The following OSBP2 variants were observed in gnomAD, a reference collection of about 807,000 sequenced individuals.
OSBP2 encodes oxysterol binding protein 2, also known as oxysterol-binding protein 2.
Under a neutral mutation model 96.0 loss-of-function variants are expected in OSBP2, and 66 were observed. That is an observed-to-expected ratio of 0.69 (90% CI 0.56 to 0.84). The LOEUF is 0.84. OSBP2 is among the 40% of genes least tolerant of loss of function. The probability of loss-of-function intolerance (pLI) is 0.00; values close to 1 mark genes in which losing one functional copy is unlikely to be tolerated. For synonymous variants in OSBP2, 525 were observed against 520.9 expected, an observed-to-expected ratio of 1.01 and a Z score of -0.11; for missense variants, 1,038 against 1,222.7, an observed-to-expected ratio of 0.85 and a Z score of 2.25.
rs148420997 is a variant in OSBP2, at chr22:30,753,946, T to G, written c.853+12577T>G. On this transcript the variant is annotated intron_variant, in intron 2 of 13. Transcript: ENST00000332585. ...TTTTGCCTGGTGGCAGCTCTCACATTCCCTTCCACCTGTGTATTTGGGGCT... is the reference window on the plus strand; with the variant it reads ...TTTTGCCTGGTGGCAGCTCTCACATGCCCTTCCACCTGTGTATTTGGGGCT... Among the ~76,000 whole-genome samples the G allele has an allele frequency of 2.6e-3, 393 of 152,282 alleles. 2 individuals are homozygous for G. Among genetic ancestry groups the G allele is most frequent in the African/African-American group, 9.2e-3 (381 of 41,554 alleles).
chr22:30,850,019 C>G (rs2038947536), intron 2 of OSBP2, among the ~76,000 whole-genome samples: 1 of 151,978 alleles, frequency 6.6e-6, no homozygotes, highest in African/African-American at 2.4e-5. Context: ...TTCAGTTGAT[C>G]AGGCTGGGCG....
intron 3 of OSBP2, among the ~76,000 whole-genome samples, chr22:30,875,487 C>T (rs1039625574): frequency 6.6e-6 from 1 of 152,092 alleles, no homozygotes; most frequent in Non-Finnish European, 1.5e-5. Flanking sequence ...ATTCTCTTGC[C>T]TCAGCCTCCT....
intron 2 of OSBP2, chr22:30,822,483 G>A (rs2146981229): frequency 8.8e-7 from 1 of 1,140,098 alleles, no homozygotes; most frequent in South Asian, 2.1e-5. Flanking sequence ...GGGCGGCAGT[G>A]GTGCATTGTG....
chr22:30,830,785 GT>G lies in OSBP2; in HGVS notation c.854-39641del, dbSNP rs1251876731. Among the ~76,000 whole-genome samples, 15 of 151,896 alleles carry G rather than the reference GT, an allele frequency of 9.9e-5. No homozygotes were observed. The East Asian group carries it at 2.3e-3, about 24-fold the overall frequency. ...AATTCCAGATGTTCAAGAGCATGGC[GT>G]TTCCATAGCGCCATTATCCCTTTGC... is the stretch of plus-strand genomic sequence containing the variant. On this transcript the variant is annotated intron_variant, in intron 2 of 13. Coordinates refer to ENST00000332585, the MANE Select transcript of OSBP2 (RefSeq NM_030758.4).
Position 30,871,049 on chromosome 22 carries a change from G to A in OSBP2, c.1107+367G>A, listed in dbSNP as rs1409821531. 1.3e-5 allele frequency among the ~76,000 whole-genome samples: 2 copies of A among 152,100 alleles called. No homozygotes were observed. Among genetic ancestry groups the A allele is most frequent in the Non-Finnish European group, 2.9e-5 (2 of 68,008 alleles). ...GGACACAGCTGCCACACTGGCCCTC[G>A]GTGGCTGCTACTCCTCCTCCCTGGG... On this transcript the variant is annotated intron_variant, in intron 3 of 13. Coordinates refer to ENST00000332585, the MANE Select transcript of OSBP2 (RefSeq NM_030758.4). This position sits in a 1 kb window ranked among gnomAD's most constrained non-coding sequence, Gnocchi z 4.7.
At chr22:30,852,374 ATTGG>A (rs1203984230) in intron 2 of OSBP2, among the ~76,000 whole-genome samples, 5 of 152,108 alleles carry the variant, frequency 3.3e-5, no homozygotes, top group Admixed American at 3.3e-4. Flanking sequence ...ATTTTTGGTA[ATTGG>A]TTCTTTCAAG....
intron 2 of OSBP2, among the ~76,000 whole-genome samples, chr22:30,791,922 T>C (rs538540811): frequency 6.6e-6 from 1 of 152,314 alleles, no homozygotes; most frequent in African/African-American, 2.4e-5. Context: ...AATGGGTATA[T>C]AGATAAGTAT....
intron 2 of OSBP2, among the ~76,000 whole-genome samples, chr22:30,772,085 C>G (rs1355864302): frequency 6.6e-6 from 1 of 152,238 alleles, no homozygotes; most frequent in Non-Finnish European, 1.5e-5. Flanking sequence ...AGGCCAGAGA[C>G]AAGCCCCTGC....
chr22:30,904,113 G>A (rs1052976422), intron 12 of OSBP2, among the ~76,000 whole-genome samples: 3 of 152,206 alleles, frequency 2.0e-5, no homozygotes, highest in African/African-American at 7.2e-5. Flanking sequence ...CCTTTGGGGA[G>A]CAGTTGGGGG....
chr22:30,738,585 A>G (rs2089889448), intron 1 of OSBP2, among the ~76,000 whole-genome samples: 1 of 149,618 alleles, frequency 6.7e-6, no homozygotes, highest in African/African-American at 2.5e-5. Flanking sequence ...TTTGAGACGG[A>G]GTTTCGCTCT....
chr22:30,904,085 A>C (rs2040276452), intron 12 of OSBP2, among the ~76,000 whole-genome samples: 1 of 152,172 alleles, frequency 6.6e-6, no homozygotes, highest in Non-Finnish European at 1.5e-5. Flanking sequence ...ATCCTTCAGT[A>C]CCCAAATCCC....
At chr22:30,782,035 A>G (rs1285866608) in intron 2 of OSBP2, among the ~76,000 whole-genome samples, 1 of 152,094 alleles carries the variant, frequency 6.6e-6, no homozygotes, top group Non-Finnish European at 1.5e-5. Flanking sequence ...ATTCCCAGCT[A>G]TTTGAGAGGC....
intron 2 of OSBP2, among the ~76,000 whole-genome samples, chr22:30,783,394 C>A (rs1171721016): frequency 7.3e-6 from 1 of 137,468 alleles, no homozygotes; most frequent in Non-Finnish European, 1.5e-5. Context: ...CAGCTCACTG[C>A]AGCCTCCAAA....
chr22:30,827,401 C>G (rs990636614), intron 2 of OSBP2, among the ~76,000 whole-genome samples: 1 of 152,176 alleles, frequency 6.6e-6, no homozygotes, highest in African/African-American at 2.4e-5. Context: ...GACAGAGCCT[C>G]TGGCCACTTG....
chr22:30,748,257 C>G (rs190929625), intron 2 of OSBP2, among the ~76,000 whole-genome samples: 246 of 152,100 alleles, frequency 1.6e-3, no homozygotes, highest in African/African-American at 5.5e-3. Flanking sequence ...TCTTGGCTCA[C>G]TGCATGCAAC....
chr22:30,824,302 G>A (rs2038348777), intron 2 of OSBP2, among the ~76,000 whole-genome samples: 2 of 152,170 alleles, frequency 1.3e-5, no homozygotes, highest in Non-Finnish European at 2.9e-5. Flanking sequence ...GCTTAGAACA[G>A]GGCCTGGAGC....
chr22:30,799,063 T>C (rs1203893361), intron 2 of OSBP2, among the ~76,000 whole-genome samples: 4 of 119,292 alleles, frequency 3.4e-5, no homozygotes. Flanking sequence ...AAGGTTTCCT[T>C]CCTTCCTTCC....
intron 2 of OSBP2, among the ~76,000 whole-genome samples, chr22:30,800,041 G>A (rs533806789): frequency 9.0e-4 from 137 of 152,328 alleles, no homozygotes; most frequent in Middle Eastern, 6.8e-3. Context: ...TGTCTTGGCA[G>A]AGGCTGGGTT....
intron 2 of OSBP2, among the ~76,000 whole-genome samples, chr22:30,761,382 A>G (rs2090202921): frequency 6.6e-6 from 1 of 152,228 alleles, no homozygotes; most frequent in African/African-American, 2.4e-5. Flanking sequence ...ATATAATTAT[A>G]ACAAAACAAA....
Sources: allele counts gnomAD v4.1 joint callset (sites outside exome capture counted in the v4.1 genomes callset), GRCh38; gene constraint gnomAD v4.1.1; non-coding constraint Gnocchi (gnomAD v3.1); transcripts MANE v1.5; gene names NCBI Gene and HGNC (gene_info 2026-07-23, HGNC 2026-07-21).